Variants in CNTN4 observed in about 807,000 individuals in gnomAD.
CNTN4 encodes contactin 4.
A neutral mutation model predicts 122.5 loss-of-function variants in CNTN4; 77 were observed. The ratio of observed to expected loss-of-function variants is 0.63; its 90% CI spans 0.52 to 0.76. The LOEUF is 0.76. CNTN4 is among the 30% of genes least tolerant of loss of function. The pLI is 0.00. For missense variants in CNTN4, 1,256 were observed against 1,259.1 expected (o/e 1.00, Z 0.04); for synonymous variants, 512 against 447.0 (o/e 1.15, Z -1.83).
At chr3:2,380,795 T>A (rs563439706) in intron 3 of CNTN4, among the ~76,000 whole-genome samples, 1 of 152,238 alleles carries the variant, frequency 6.6e-6, no homozygotes, top group East Asian at 1.9e-4. Flanking sequence ...AGGGGATGCC[T>A]AAGAGAGGAA....
At chr3:2,840,673 T>TG (rs1484209181) in intron 7 of CNTN4, among the ~76,000 whole-genome samples, 1 of 148,994 alleles carries the variant, frequency 6.7e-6, no homozygotes, top group African/African-American at 2.5e-5. Context: ...CACTCCAGCC[T>TG]GGGCGACAGA....
At chr3:2,215,883 CAAAAAAAAAAA>C (rs869205172) in intron 2 of CNTN4, among the ~76,000 whole-genome samples, 1 of 60,272 alleles carries the variant, frequency 1.7e-5, no homozygotes, top group Non-Finnish European at 2.9e-5. Context: ...GCCTCTGTCT[CAAAAAAAAAAA>C]AAAAAAAAAA....
chr3:3,016,482 C>G (rs904701888), intron 14 of CNTN4, among the ~76,000 whole-genome samples: 1 of 152,154 alleles, frequency 6.6e-6, no homozygotes, highest in African/African-American at 2.4e-5. Context: ...GGTTTGCTTT[C>G]CCTGGTCATG....
intron 13 of CNTN4, among the ~76,000 whole-genome samples, chr3:2,960,423 A>G (rs2094840978): frequency 1.3e-5 from 2 of 152,140 alleles, no homozygotes; most frequent in African/African-American, 4.8e-5. Flanking sequence ...TTTGGTTAAT[A>G]TACTGTCTCT....
At chr3:2,462,098 C>T (rs2049234799) in intron 3 of CNTN4, among the ~76,000 whole-genome samples, 1 of 152,162 alleles carries the variant, frequency 6.6e-6, no homozygotes, top group African/African-American at 2.4e-5. Context: ...AAGATAGACC[C>T]TTACAATAAA....
At chr3:2,235,956 A>C (rs2039666805) in intron 2 of CNTN4, among the ~76,000 whole-genome samples, 1 of 152,184 alleles carries the variant, frequency 6.6e-6, no homozygotes. Flanking sequence ...CAAAAAATTT[A>C]GTGCAAGTAG....
chr3:2,796,859 A>G (rs1210510316), intron 6 of CNTN4, among the ~76,000 whole-genome samples: 1 of 152,276 alleles, frequency 6.6e-6, no homozygotes, highest in Non-Finnish European at 1.5e-5. Context: ...GCATTCCTTA[A>G]GAGTTAACTT....
chr3:2,767,486 A>T (rs145122990), intron 6 of CNTN4, among the ~76,000 whole-genome samples: 194 of 152,338 alleles, frequency 1.3e-3, no homozygotes, highest in African/African-American at 4.4e-3. Context: ...AAGGAAGTTT[A>T]TATAAGTGCT....
chr3:2,340,772 AT>A lies in CNTN4; in HGVS notation c.-89+1544del, dbSNP rs1402490961. 2.3e-5 allele frequency among the ~76,000 whole-genome samples: 3 copies of A among 130,158 alleles called. No individual in the cohort carries two copies. In the Admixed American group the frequency reaches 2.4e-4, roughly 11 times the overall value. 85.4% of individuals were successfully genotyped at this position (130,158 alleles called of 152,430 possible). A position where few individuals can be genotyped will look rare whatever the true frequency, so the allele number is the denominator to read the frequency against. ...ATTTATTTCACTTGATTCTTCAGGT[AT>A]TTTTCATGAGCTAAGGTTGAGTAAG... is the stretch of plus-strand genomic sequence containing the variant. On this transcript the variant is annotated intron_variant, in intron 3 of 24. Coordinates refer to ENST00000418658, the MANE Select transcript of CNTN4 (RefSeq NM_175607.3).
At chr3:2,857,295 C>T (rs2093627561) in intron 7 of CNTN4, among the ~76,000 whole-genome samples, 1 of 152,236 alleles carries the variant, frequency 6.6e-6, no homozygotes, top group South Asian at 2.1e-4. Context: ...GTGCTTTCCA[C>T]ATTATCTGAA....
intron 7 of CNTN4, among the ~76,000 whole-genome samples, chr3:2,856,145 G>A (rs1403579351): frequency 6.6e-6 from 1 of 152,208 alleles, no homozygotes; most frequent in African/African-American, 2.4e-5. Flanking sequence ...TTAGTAAGTT[G>A]ATTTCACAAA....
intron 3 of CNTN4, among the ~76,000 whole-genome samples, chr3:2,561,470 T>G (rs1458403750): frequency 2.6e-5 from 4 of 152,098 alleles, no homozygotes. Context: ...TCTCCTCCAG[T>G]GCTCAGTGGG....
rs536339725 is a variant in CNTN4 at position 2,981,059 on chromosome 3, G to A, written c.1359-7286G>A. Among the ~76,000 whole-genome samples the A allele has an allele frequency of 9.2e-5, 14 of 152,260 alleles. No individual in the cohort carries two copies. The East Asian group carries it at 1.4e-3, about 15-fold the overall frequency. On this transcript the variant is annotated intron_variant, in intron 13 of 24. Transcript: ENST00000418658. ...CAGCTGCCAGCATTCACCCATGCAC[G>A]CTTCCAGCTTGCTTTGTCTATGTCT...
chr3:2,584,697 C>CAAA (rs67755648), intron 4 of CNTN4, among the ~76,000 whole-genome samples: 12 of 73,090 alleles, frequency 1.6e-4, no homozygotes, highest in African/African-American at 5.2e-4. Context: ...AACTCCGTCT[C>CAAA]AAAAAAAAAA....
At chr3:2,136,251 A>G (rs1194010320) in intron 2 of CNTN4, among the ~76,000 whole-genome samples, 2 of 152,232 alleles carry the variant, frequency 1.3e-5, no homozygotes. Flanking sequence ...GAGAGACCTT[A>G]TATCATTTGT....
chr3:2,458,186 T>G (rs544309373), intron 3 of CNTN4, among the ~76,000 whole-genome samples: 1 of 152,308 alleles, frequency 6.6e-6, no homozygotes, highest in Admixed American at 6.5e-5. Context: ...TGTGCCTACA[T>G]TAATAGTATT....
chr3:2,459,796 G>A lies in CNTN4; in HGVS notation c.-88-111620G>A, dbSNP rs576803006. On this transcript the variant is annotated intron_variant, in intron 3 of 24. Coordinates refer to ENST00000418658, the MANE Select transcript of CNTN4 (RefSeq NM_175607.3). ...ATAAGCCCAACCAATGTGTCCACAG[G>A]GCAACCAGTGATATAAGAGGATGAT... Among the ~76,000 whole-genome samples the A allele has an allele frequency of 3.3e-5, 5 of 152,204 alleles. No homozygotes were observed. In the East Asian group the frequency reaches 9.7e-4, roughly 29 times the overall value.
chr3:2,557,766 A>AG (rs1013520438), intron 3 of CNTN4, among the ~76,000 whole-genome samples: 3 of 151,894 alleles, frequency 2.0e-5, no homozygotes, highest in Non-Finnish European at 4.4e-5. Flanking sequence ...AAAAAAAAAA[A>AG]ATGCATGGTA....
intron 4 of CNTN4, among the ~76,000 whole-genome samples, chr3:2,715,649 G>A (rs1167663570): frequency 6.6e-6 from 1 of 152,138 alleles, no homozygotes; most frequent in African/African-American, 2.4e-5. Context: ...TTAGAGTTTT[G>A]GAAGCTGAGG....
Sources: gnomAD v4.1 joint callset for allele counts (sites outside exome capture counted in the v4.1 genomes callset) on GRCh38, gnomAD v4.1.1 for gene constraint, MANE v1.5 for transcripts, NCBI Gene and HGNC (gene_info 2026-07-23, HGNC 2026-07-21) for gene names.